L3MBTL4: variants seen among roughly 807,000 people sequenced by gnomAD.
L3MBTL4 encodes L3MBTL histone methyl-lysine binding protein 4.
A neutral mutation model predicts 84.5 loss-of-function variants in L3MBTL4; 70 were observed. The ratio of observed to expected loss-of-function variants is 0.83; its 90% CI spans 0.68 to 1.01. L3MBTL4 has a LOEUF of 1.01. Ranked by LOEUF, L3MBTL4 falls within the 50% of genes least tolerant of loss-of-function variation. The pLI is 0.00. For synonymous variants in L3MBTL4, 274 were observed against 259.8 expected (o/e 1.05, Z -0.52); for missense variants, 715 against 754.8 (o/e 0.95, Z 0.62).
At chr18:6,052,812 C>A (rs933404941) in intron 16 of L3MBTL4, among the ~76,000 whole-genome samples, 1 of 152,224 alleles carries the variant, frequency 6.6e-6, no homozygotes, top group African/African-American at 2.4e-5. Flanking sequence ...TCCAACACTG[C>A]TAGTTCTCAG....
At chr18:6,352,039 TATACTA>T (rs1272210923) in intron 1 of L3MBTL4, among the ~76,000 whole-genome samples, 1 of 152,158 alleles carries the variant, frequency 6.6e-6, no homozygotes, top group Non-Finnish European at 1.5e-5. Flanking sequence ...TTCTGGGTAT[TATACTA>T]ATAGCTGCTA....
intron 16 of L3MBTL4, among the ~76,000 whole-genome samples, chr18:5,984,983 A>AT (rs566999368): frequency 1.1e-3 from 160 of 147,160 alleles, no homozygotes; most frequent in Admixed American, 2.7e-3. Flanking sequence ...CAACTTTTCC[A>AT]TTTTTTTTTT....
chr18:6,004,977 T>TA (rs1446727534), intron 16 of L3MBTL4, among the ~76,000 whole-genome samples: 1 of 138,232 alleles, frequency 7.2e-6, no homozygotes, highest in African/African-American at 2.6e-5. Flanking sequence ...AGTGTACACA[T>TA]AAAAATGGTT....
intron 1 of L3MBTL4, among the ~76,000 whole-genome samples, chr18:6,340,414 C>T (rs912632790): frequency 6.6e-6 from 1 of 152,210 alleles, no homozygotes; most frequent in Admixed American, 6.5e-5. Flanking sequence ...AGAGAAGCCT[C>T]CTTGGCGCAG....
chr18:6,073,860 T>C (rs2057770251), intron 16 of L3MBTL4, among the ~76,000 whole-genome samples: 1 of 151,980 alleles, frequency 6.6e-6, no homozygotes. Context: ...TTTTGTTTCT[T>C]TGTTAAAAAA....
chr18:6,414,752 C>T lies in L3MBTL4; in HGVS notation c.-91+49G>A, dbSNP rs2056127708. 2 of 151,934 alleles carry T rather than the reference C, an allele frequency of 1.3e-5. No homozygotes were observed. The highest frequency in any genetic ancestry group is 4.8e-5 in the African/African-American group (2 of 41,490). The allele number at this position is 151,934 out of a possible 1,614,324, so 9.4% of individuals were successfully genotyped here. A position where few individuals can be genotyped will look rare whatever the true frequency, so the allele number is the denominator to read the frequency against. ...CCCCGCGCGGCGGCGGCCGTGGGCA[C>T]CCACGCGGGCTCGCGACCATCCCAC... is the stretch of plus-strand genomic sequence containing the variant. On this transcript the variant is annotated intron_variant, in intron 1 of 18. Coordinates refer to ENST00000317931, the MANE Select transcript of L3MBTL4 (RefSeq NM_001330559.2). This position sits in a 1 kb window ranked among gnomAD's most constrained non-coding sequence, Gnocchi z 5.4.
intron 13 of L3MBTL4, among the ~76,000 whole-genome samples, chr18:6,156,622 C>T (rs1659808994): frequency 6.6e-6 from 1 of 152,214 alleles, no homozygotes; most frequent in Admixed American, 6.5e-5. Flanking sequence ...AGGATCTCTA[C>T]TCAACGTCCA....
rs930999100 is a variant in L3MBTL4, at chr18:5,958,005, A to AAGG, written c.1678-1621_1678-1619dup. On this transcript the variant is annotated intron_variant, in intron 18 of 18. Coordinates refer to ENST00000317931, the MANE Select transcript of L3MBTL4 (RefSeq NM_001330559.2). ...AGAAGAAGGAAAAAGAAGGAAGGAG[A>AAGG]AGGAGGAGGAGGAGAAGGAGAAAGA... Among the ~76,000 whole-genome samples the AAGG allele has an allele frequency of 1.5e-3, 168 of 115,054 alleles. 12 individuals carry two copies. Among genetic ancestry groups the AAGG allele is most frequent in the East Asian group, 3.2e-3 (11 of 3,464 alleles). 75.5% of individuals were successfully genotyped at this position (115,054 alleles called of 152,430 possible).
intron 10 of L3MBTL4, among the ~76,000 whole-genome samples, chr18:6,233,225 C>T (rs1450657313): frequency 1.3e-5 from 2 of 151,166 alleles, no homozygotes; most frequent in Non-Finnish European, 2.9e-5. Context: ...ACTGAATGGG[C>T]AAAAACTGGA....
intron 18 of L3MBTL4, among the ~76,000 whole-genome samples, chr18:5,959,332 T>C (rs1460889144): frequency 1.3e-5 from 2 of 152,150 alleles, no homozygotes; most frequent in Non-Finnish European, 1.5e-5. Flanking sequence ...AAGCTGCCAT[T>C]GTAGTGTTGT....
At chr18:6,217,139 T>C (rs2046360040) in intron 10 of L3MBTL4, among the ~76,000 whole-genome samples, 1 of 152,160 alleles carries the variant, frequency 6.6e-6, no homozygotes, top group Non-Finnish European at 1.5e-5. Flanking sequence ...TTAATAAAAA[T>C]ATATTTAAAG....
chr18:6,345,265 C>T (rs1316349570), intron 1 of L3MBTL4, among the ~76,000 whole-genome samples: 3 of 146,870 alleles, frequency 2.0e-5, no homozygotes, highest in African/African-American at 7.5e-5. Context: ...GGCATGGCAG[C>T]ATGCGCCTGT....
chr18:6,205,243 G>A (rs2045823035), intron 12 of L3MBTL4, among the ~76,000 whole-genome samples: 1 of 152,128 alleles, frequency 6.6e-6, no homozygotes, highest in Non-Finnish European at 1.5e-5. Context: ...GATGGAGAAA[G>A]GGGCCAGAAG....
intron 12 of L3MBTL4, among the ~76,000 whole-genome samples, chr18:6,195,922 G>A (rs1200837713): frequency 6.6e-6 from 1 of 152,088 alleles, no homozygotes; most frequent in Admixed American, 6.5e-5. Flanking sequence ...TGTCGGCTTA[G>A]TTCCACTCCT....
chr18:6,079,201 A>C (rs2057982066), intron 16 of L3MBTL4, among the ~76,000 whole-genome samples: 1 of 152,154 alleles, frequency 6.6e-6, no homozygotes, highest in African/African-American at 2.4e-5. Context: ...TTTGATTGAC[A>C]AAAGGCTAGA....
chr18:6,240,487 A>G (rs1044710485), intron 8 of L3MBTL4, among the ~76,000 whole-genome samples: 1 of 151,804 alleles, frequency 6.6e-6, no homozygotes, highest in East Asian at 1.9e-4. Flanking sequence ...TTTTCTTAGT[A>G]TAAAAATACT....
intron 14 of L3MBTL4, among the ~76,000 whole-genome samples, chr18:6,125,232 T>C (rs2059652698): frequency 6.6e-6 from 1 of 152,072 alleles, no homozygotes; most frequent in Admixed American, 6.6e-5. Flanking sequence ...CCCTCCTTTG[T>C]CCTACCACTA....
At chr18:6,224,501 G>T (rs1214239159) in intron 10 of L3MBTL4, among the ~76,000 whole-genome samples, 5 of 152,132 alleles carry the variant, frequency 3.3e-5, no homozygotes, top group Non-Finnish European at 5.9e-5. Context: ...AAGGCTGGAG[G>T]TTTTAATCTC....
intron 16 of L3MBTL4, among the ~76,000 whole-genome samples, chr18:6,005,029 C>CTTTTTTTTTTTTTTTTTTTTTT (rs1598412472): frequency 4.0e-4 from 18 of 44,552 alleles, no homozygotes; most frequent in Non-Finnish European, 5.2e-4. Flanking sequence ...TTTTTTTTTA[C>CTTTTTTTTTTTTTTTTTTTTTT]TTTTAGTTCA....
Sources: gnomAD v4.1 joint callset for allele counts (sites outside exome capture counted in the v4.1 genomes callset) on GRCh38, gnomAD v4.1.1 for gene constraint, Gnocchi (gnomAD v3.1) non-coding constraint, MANE v1.5 for transcripts, NCBI Gene and HGNC (gene_info 2026-07-23, HGNC 2026-07-21) for gene names.